Variants in ZNF592 observed in about 807,000 individuals in gnomAD.
ZNF592 encodes zinc finger protein 592.
A neutral mutation model predicts 80.3 loss-of-function variants in ZNF592; 11 were observed. That is an observed-to-expected ratio of 0.14 (90% confidence interval 0.09 to 0.23). The LOEUF (loss-of-function observed/expected upper bound fraction) is 0.23. ZNF592 is among the 10% of genes least tolerant of loss of function. ZNF592 has a pLI of 1.00. For synonymous variants in ZNF592, 646 were observed against 640.3 expected (o/e 1.01, Z -0.13); for missense variants, 1,420 against 1,633.9 (o/e 0.87, Z 2.26).
intron 1 of ZNF592, among the ~76,000 whole-genome samples, chr15:84,760,341 CT>C (rs977371105): frequency 1.5e-4 from 23 of 152,204 alleles, no homozygotes; most frequent in African/African-American, 5.5e-4. Context: ...AAAACCTCTT[CT>C]CCCCCATATT....
chr15:84,766,382 T>TA (rs2141969410), intron 2 of ZNF592, among the ~76,000 whole-genome samples: 1 of 152,328 alleles, frequency 6.6e-6, no homozygotes, highest in South Asian at 2.1e-4. Context: ...ACCAGGGACA[T>TA]ACAATAGGCA....
Position 84,798,490 on chromosome 15 carries a change from G to A in ZNF592, c.2736+16G>A, listed in dbSNP as rs1055500041. 1 of 1,613,874 alleles carries A rather than the reference G, an allele frequency of 6.2e-7. No individual in the cohort carries two copies. The highest frequency in any genetic ancestry group is 1.3e-5 in the African/African-American group (1 of 75,046). On this transcript the variant is annotated intron_variant, in intron 7 of 10. Coordinates refer to ENST00000560079, the MANE Select transcript of ZNF592 (RefSeq NM_014630.3). This position sits in a 1 kb window ranked among gnomAD's most constrained non-coding sequence, Gnocchi z 4.5. Reference sequence around the variant, plus strand: ...ACACGTCAAGGTGGGATGCCTTGCGGGAGGAGGCCGGGGAGGAGGGCACAT... The same window carrying A: ...ACACGTCAAGGTGGGATGCCTTGCGAGAGGAGGCCGGGGAGGAGGGCACAT...
In ZNF592 at chr15:84,798,191, G is replaced by A; in HGVS notation, c.2577-124G>A. Reference sequence around the variant, plus strand: ...GTACTAAGGATGTCCTGAGGCAGGGGAGCATCCACATTGGCTCAGGGTAGT... The same window carrying A: ...GTACTAAGGATGTCCTGAGGCAGGGAAGCATCCACATTGGCTCAGGGTAGT... On this transcript the variant is annotated intron_variant, in intron 6 of 10. Coordinates refer to ENST00000560079, the MANE Select transcript of ZNF592 (RefSeq NM_014630.3). This position sits in a 1 kb window ranked among gnomAD's most constrained non-coding sequence, Gnocchi z 4.5. The A allele has an allele frequency of 6.4e-7, 1 of 1,565,132 alleles. No homozygotes were observed. Among genetic ancestry groups the A allele is most frequent in the Non-Finnish European group, 8.7e-7 (1 of 1,145,350 alleles).
At chr15:84,764,174 AG>A (rs1262411460) in intron 1 of ZNF592, among the ~76,000 whole-genome samples, 1 of 152,100 alleles carries the variant, frequency 6.6e-6, no homozygotes, top group African/African-American at 2.4e-5. Flanking sequence ...AGTTGTGTGG[AG>A]GGGTAAACTA....
chr15:84,769,692 G>A (rs1899642089), intron 2 of ZNF592, among the ~76,000 whole-genome samples: 2 of 152,132 alleles, frequency 1.3e-5, no homozygotes, highest in Non-Finnish European at 2.9e-5. Context: ...TTCACTCTGA[G>A]GGAGATGGGA....
chr15:84,775,632 T>C (rs1049879287), intron 2 of ZNF592, among the ~76,000 whole-genome samples: 2 of 151,886 alleles, frequency 1.3e-5, no homozygotes, highest in Non-Finnish European at 2.9e-5. Flanking sequence ...GAGGTTTTGC[T>C]ATATTGGCCA....
intron 1 of ZNF592, chr15:84,753,446 TG>T (rs1899070660): frequency 6.6e-6 from 1 of 152,142 alleles, no homozygotes; most frequent in South Asian, 2.1e-4. Flanking sequence ...AGCCAGATCA[TG>T]GTGAGTTTTA....
At chr15:84,754,989 A>G (rs1899126648) in intron 1 of ZNF592, among the ~76,000 whole-genome samples, 1 of 129,284 alleles carries the variant, frequency 7.7e-6, no homozygotes, top group Admixed American at 8.4e-5. Context: ...TTTTCATGGC[A>G]GAGTGTCACT....
intron 4 of ZNF592, among the ~76,000 whole-genome samples, chr15:84,790,308 A>G (rs1043931650): frequency 3.3e-5 from 5 of 152,068 alleles, no homozygotes; most frequent in African/African-American, 1.2e-4. Flanking sequence ...AGATGGCAAG[A>G]ACTGCCTCTA....
chr15:84,800,050 C>G, intron 10 of ZNF592, 73 bp downstream of exon 10: 1 of 1,608,400 alleles, frequency 6.2e-7, no homozygotes, highest in South Asian at 1.1e-5. Flanking sequence ...ATTAGGAAGG[C>G]TACTGTTGTG....
At chr15:84,753,887 C>A (rs1283462407) in intron 1 of ZNF592, among the ~76,000 whole-genome samples, 4 of 152,164 alleles carry the variant, frequency 2.6e-5, no homozygotes, top group African/African-American at 4.8e-5. Context: ...ATTGCATGTA[C>A]CCAAAATCTG....
chr15:84,783,900 C>T lies in ZNF592; in HGVS notation c.1225C>T (p.Pro409Ser). The change falls in exon 4 of 11, where the codon CCT becomes TCT. Residue 409 changes from proline (P) to serine (S), a missense_variant. This residue lies in a region of ZNF592 where 524 missense variants were observed against 628.3 expected (regional missense o/e 0.83). Transcript: ENST00000560079. This position sits in a 1 kb window ranked among gnomAD's most constrained non-coding sequence, Gnocchi z 5.0. Reference protein sequence around the residue: ...DDPSKSPVGSPLGSAIAEAPS... With the variant: ...DDPSKSPVGSSLGSAIAEAPS... ...TCCAAGTAAGTCCCCTGTTGGGTCA[C>T]CTCTAGGGAGCGCCATTGCAGAGGC... 11 of 1,614,178 alleles carry T rather than the reference C, an allele frequency of 6.8e-6. No individual in the cohort carries two copies. Among genetic ancestry groups the T allele is most frequent in the Non-Finnish European group, 9.3e-6 (11 of 1,180,008 alleles).
intron 10 of ZNF592, among the ~76,000 whole-genome samples, chr15:84,800,512 T>C (rs1963061579): frequency 6.6e-6 from 1 of 152,136 alleles, no homozygotes; most frequent in Admixed American, 6.5e-5. Flanking sequence ...CCAGCCTCTC[T>C]CCATACCATG....
chr15:84,799,277 G>A lies in ZNF592; in HGVS notation c.3137+67G>A, dbSNP rs1963025962. 1.4e-6 allele frequency: 2 copies of A among 1,462,650 alleles called. No homozygotes were observed. Among genetic ancestry groups the A allele is most frequent in the East Asian group, 2.3e-5 (1 of 44,184 alleles). 90.6% of individuals were successfully genotyped at this position (1,462,650 alleles called of 1,614,324 possible). On this transcript the variant is annotated intron_variant, in intron 9 of 10. Transcript: ENST00000560079. The surrounding 1 kb of genome is among the most constrained non-coding windows in gnomAD (Gnocchi z 4.2). ...AAGACTCTGTCCGTGGCACCACTGG[G>A]GCTTTTCTGTGCTGCAAGATCAGGT...
At chr15:84,797,454 T>G (rs551178537) in intron 5 of ZNF592, among the ~76,000 whole-genome samples, 7 of 152,378 alleles carry the variant, frequency 4.6e-5, no homozygotes, top group African/African-American at 7.2e-5. Context: ...ATGGGCTTTG[T>G]GCAGCCTCCT....
At position 84,762,593 on chromosome 15, in the gene ZNF592, G is replaced by A. The variant is rs142599577; in HGVS notation, c.-258-2114G>A. Among the ~76,000 whole-genome samples, 46 of 152,216 alleles carry A rather than the reference G, an allele frequency of 3.0e-4. 1 individual carries two copies. In the East Asian group the frequency reaches 7.9e-3, roughly 26 times the overall value. On this transcript the variant is annotated intron_variant, in intron 1 of 10. Transcript: ENST00000560079. ...TGAGCTGGGGTTAGGCATTAGGATC[G>A]CTCCAGGTCTAAGAAGCACTGGTCT...
rs1249201546 is a variant in ZNF592, at chr15:84,798,096, C to T, written c.2576+51C>T. 6.2e-7 allele frequency: 1 copy of T among 1,604,780 alleles called. No individual in the cohort carries two copies. The highest frequency in any genetic ancestry group is 1.7e-4 in the Middle Eastern group (1 of 5,770). On this transcript the variant is annotated intron_variant, in intron 6 of 10. Coordinates refer to ENST00000560079, the MANE Select transcript of ZNF592 (RefSeq NM_014630.3). This position sits in a 1 kb window ranked among gnomAD's most constrained non-coding sequence, Gnocchi z 4.5. The stretch of plus-strand genomic sequence containing the variant: ...GCCCTGTGGAGCAGAGAGGAGTAGC[C>T]TGGGTGCTGTAGGGGGTGGCATAGG...
At chr15:84,788,621 C>A (rs1454689792) in intron 4 of ZNF592, among the ~76,000 whole-genome samples, 1 of 152,132 alleles carries the variant, frequency 6.6e-6, no homozygotes, top group Non-Finnish European at 1.5e-5. Context: ...GTGTACAGTT[C>A]AGTAGTGTTA....
intron 5 of ZNF592, among the ~76,000 whole-genome samples, chr15:84,792,267 C>T (rs1272378335): frequency 6.6e-6 from 1 of 151,844 alleles, no homozygotes; most frequent in East Asian, 1.9e-4. Flanking sequence ...CGAGGCTAGG[C>T]CATGCAAGAC....
Sources: allele counts gnomAD v4.1 joint callset (sites outside exome capture counted in the v4.1 genomes callset), GRCh38; gene constraint gnomAD v4.1.1; regional missense constraint gnomAD v4.1.1; non-coding constraint Gnocchi (gnomAD v3.1); transcripts MANE v1.5; gene names NCBI Gene and HGNC (gene_info 2026-07-23, HGNC 2026-07-21).